The following USP32 variants were observed in gnomAD, a reference collection of about 807,000 sequenced individuals.
USP32 encodes ubiquitin specific peptidase 32.
In USP32, 59 loss-of-function variants were observed where a neutral mutation model predicts 204.8. The ratio of observed to expected loss-of-function variants is 0.29; its 90% CI spans 0.23 to 0.36. USP32 has a LOEUF of 0.36. Among genes scored for constraint, USP32 ranks in the 10% least tolerant of loss-of-function variants. The pLI, the probability that USP32 is intolerant of heterozygous loss-of-function variation, is 1.00. For synonymous variants in USP32, 517 were observed against 678.4 expected (o/e 0.76, Z 3.70); for missense variants, 1,160 against 1,946.4 (o/e 0.60, Z 7.60).
At chr17:60,225,962 A>G (rs1196995540) in intron 13 of USP32, 77 bp downstream of exon 13, 5 of 1,450,068 alleles carry the variant, frequency 3.4e-6, no homozygotes, top group Non-Finnish European at 4.6e-6. Context: ...CAAAAAAAAA[A>G]AAAAAAAAGA....
intron 1 of USP32, among the ~76,000 whole-genome samples, chr17:60,389,093 A>G (rs916943930): frequency 3.3e-5 from 5 of 152,332 alleles, no homozygotes; most frequent in African/African-American, 1.2e-4. Flanking sequence ...TTTTGCACAC[A>G]CTGGACTAAT....
chr17:60,362,288 C>G (rs2089225571), intron 1 of USP32, among the ~76,000 whole-genome samples: 1 of 152,156 alleles, frequency 6.6e-6, no homozygotes, highest in Non-Finnish European at 1.5e-5. Flanking sequence ...AGAATGAAAT[C>G]TGTATGTTGT....
intron 1 of USP32, among the ~76,000 whole-genome samples, chr17:60,359,962 G>A (rs977403316): frequency 2.0e-5 from 3 of 151,346 alleles, no homozygotes; most frequent in Admixed American, 2.0e-4. Context: ...CCACCTCCCA[G>A]GTTCACACCA....
intron 2 of USP32, among the ~76,000 whole-genome samples, chr17:60,318,397 G>A (rs1053876490): frequency 6.6e-6 from 1 of 152,140 alleles, no homozygotes; most frequent in Non-Finnish European, 1.5e-5. Context: ...TCCATCTAGA[G>A]AACAGCATGG....
intron 16 of USP32, among the ~76,000 whole-genome samples, chr17:60,215,549 T>C (rs1437285151): frequency 1.3e-5 from 2 of 152,022 alleles, no homozygotes; most frequent in Non-Finnish European, 2.9e-5. Context: ...CACAGATAGA[T>C]AATTGGATTC....
chr17:60,375,997 T>C (rs1399570854), intron 1 of USP32, among the ~76,000 whole-genome samples: 1 of 152,202 alleles, frequency 6.6e-6, no homozygotes, highest in East Asian at 1.9e-4. Flanking sequence ...AAAATATTCA[T>C]TGCATTTTCA....
chr17:60,267,774 C>T (rs1420611317), intron 7 of USP32, among the ~76,000 whole-genome samples: 2 of 151,914 alleles, frequency 1.3e-5, no homozygotes, highest in Non-Finnish European at 2.9e-5. Context: ...CTGCCTTGGC[C>T]TCCCAAAGTG....
chr17:60,181,282 A>T (rs1243179363), intron 32 of USP32, 42 bp downstream of exon 32: 7 of 1,569,370 alleles, frequency 4.5e-6, no homozygotes, highest in Middle Eastern at 2.4e-4. Context: ...AAGTGAACAA[A>T]ACACAGACCA....
chr17:60,252,480 C>T (rs776074094), intron 10 of USP32, 38 bp from the exon 11 acceptor site: 94 of 1,498,110 alleles, frequency 6.3e-5, no homozygotes, highest in Non-Finnish European at 3.3e-5. Context: ...TTATTAACTG[C>T]ATAATATTTC....
At chr17:60,417,857 G>T (rs60334735) in intron 1 of USP32, among the ~76,000 whole-genome samples, 27,852 of 150,784 alleles carry the variant, frequency 0.18, 5,985 homozygotes, top group African/African-American at 0.53. Context: ...TGGCACAATC[G>T]AAGCTCACTG....
intron 27 of USP32, among the ~76,000 whole-genome samples, chr17:60,197,450 C>T (rs184221561): frequency 6.6e-6 from 1 of 151,724 alleles, no homozygotes; most frequent in East Asian, 1.9e-4. Context: ...ACCAAAAAAG[C>T]AAAATTAGCC....
intron 2 of USP32, among the ~76,000 whole-genome samples, chr17:60,307,799 C>G (rs928783252): frequency 6.6e-6 from 1 of 152,078 alleles, no homozygotes; most frequent in Non-Finnish European, 1.5e-5. Context: ...GCCTGCCACG[C>G]CCCCAAGGTG....
chr17:60,226,575 A>G (rs902068188), intron 12 of USP32, among the ~76,000 whole-genome samples: 32 of 152,136 alleles, frequency 2.1e-4, no homozygotes, highest in East Asian at 5.8e-4. Context: ...ATGAATGTAT[A>G]TAATTTTTTT....
intron 2 of USP32, among the ~76,000 whole-genome samples, chr17:60,337,925 G>A (rs1171674654): frequency 1.3e-5 from 2 of 151,990 alleles, no homozygotes; most frequent in African/African-American, 2.4e-5. Flanking sequence ...TGAACAATTA[G>A]TGAATGGGCC....
At chr17:60,191,200 G>A (rs996936291) in intron 28 of USP32, among the ~76,000 whole-genome samples, 3 of 151,910 alleles carry the variant, frequency 2.0e-5, no homozygotes, top group East Asian at 1.9e-4. Flanking sequence ...TCAGGAGGTC[G>A]AGACCAGTCT....
chr17:60,305,753 A>G lies in USP32; in HGVS notation c.187-4049T>C, dbSNP rs963131133. Among the ~76,000 whole-genome samples, 4 of 152,208 alleles carry G rather than the reference A, an allele frequency of 2.6e-5. No individual in the cohort carries two copies. In the South Asian group the frequency reaches 6.2e-4, roughly 24 times the overall value. On this transcript the variant is annotated intron_variant, in intron 2 of 33. Coordinates refer to ENST00000300896, the MANE Select transcript of USP32 (RefSeq NM_032582.4). ...ACTTTTGACAATTTCACTGACTTTA[A>G]TACAAAGAGTAAAGCAGTGAGGGTA...
chr17:60,222,725 A>G (rs2085285051), intron 14 of USP32, among the ~76,000 whole-genome samples, 176 bp from the exon 15 acceptor site: 1 of 135,886 alleles, frequency 7.4e-6, no homozygotes, highest in Non-Finnish European at 1.5e-5. Context: ...TCCGTCACCC[A>G]GGCTGGAGTA....
intron 16 of USP32, among the ~76,000 whole-genome samples, chr17:60,215,581 T>G (rs2085080896): frequency 6.6e-6 from 1 of 152,082 alleles, no homozygotes; most frequent in Non-Finnish European, 1.5e-5. Context: ...TTTCCTAAAC[T>G]TTCTTTGAAT....
intron 2 of USP32, among the ~76,000 whole-genome samples, chr17:60,310,881 A>G (rs1416669632): frequency 6.6e-6 from 1 of 152,168 alleles, no homozygotes; most frequent in African/African-American, 2.4e-5. Context: ...ACCAAAAAAC[A>G]AAAATAAGCC....
Sources: gnomAD v4.1 joint callset for allele counts (sites outside exome capture counted in the v4.1 genomes callset) on GRCh38, gnomAD v4.1.1 for gene constraint, MANE v1.5 for transcripts, NCBI Gene and HGNC (gene_info 2026-07-23, HGNC 2026-07-21) for gene names.